EFCAB6: variants seen among roughly 807,000 people sequenced by gnomAD.
The protein encoded by EFCAB6 is EF-hand calcium-binding domain-containing protein 6.
In EFCAB6, 156 loss-of-function variants were observed where a neutral mutation model predicts 169.8. That is an observed-to-expected ratio of 0.92 (90% confidence interval 0.81 to 1.05). EFCAB6 has a LOEUF of 1.05. Ranked by LOEUF, EFCAB6 falls within the 50% of genes least tolerant of loss-of-function variation. The pLI is 0.00. For synonymous variants in EFCAB6, 698 were observed against 676.4 expected, an observed-to-expected ratio of 1.03 and a Z score of -0.50; for missense variants, 1,800 against 1,829.1, an observed-to-expected ratio of 0.98 and a Z score of 0.29.
At position 43,531,520 on chromosome 22, in the gene EFCAB6, G is replaced by C. The variant is rs145276529; in HGVS notation, c.4234-556C>G. On this transcript the variant is annotated intron_variant, in intron 30 of 31. Coordinates refer to ENST00000262726, the MANE Select transcript of EFCAB6 (RefSeq NM_022785.4). The stretch of plus-strand genomic sequence containing the variant: ...TGATTACTTCATTTAGGTGCTATTA[G>C]ATTGAAAACAAGACATTTGAACATG... Among the ~76,000 whole-genome samples the C allele has an allele frequency of 2.1e-3, 327 of 152,282 alleles. 2 individuals are homozygous for C. The highest frequency in any genetic ancestry group is 7.4e-3 in the African/African-American group (308 of 41,546).
Position 43,636,792 on chromosome 22 carries a change from A to C in EFCAB6, c.1984-1576T>G, listed in dbSNP as rs1465521979. 2.6e-5 allele frequency among the ~76,000 whole-genome samples: 4 copies of C among 151,264 alleles called. No individual in the cohort carries two copies. In the East Asian group the frequency reaches 7.8e-4, roughly 30 times the overall value. ...CGCCCAGCTAATTTTTTGTATTTTT[A>C]GTAGAGACGGGGTTTCACCATGTTA... is the stretch of plus-strand genomic sequence containing the variant. On this transcript the variant is annotated intron_variant, in intron 17 of 31. Transcript: ENST00000262726.
chr22:43,769,601 T>G (rs2061408664), intron 4 of EFCAB6, among the ~76,000 whole-genome samples: 1 of 151,882 alleles, frequency 6.6e-6, no homozygotes, highest in Non-Finnish European at 1.5e-5. Context: ...AAGGGGAAAT[T>G]TTTTTTTAAG....
At chr22:43,567,556 T>C (rs999926285) in intron 26 of EFCAB6, among the ~76,000 whole-genome samples, 2 of 152,290 alleles carry the variant, frequency 1.3e-5, no homozygotes, top group South Asian at 4.1e-4. Flanking sequence ...ATCCGAACAA[T>C]GAGCCTAGGA....
intron 10 of EFCAB6, among the ~76,000 whole-genome samples, chr22:43,708,197 A>C (rs1374517088): frequency 2.6e-5 from 4 of 152,030 alleles, no homozygotes; most frequent in Non-Finnish European, 1.5e-5. Context: ...ACCTGAGGTC[A>C]GGAGTTTGAG....
chr22:43,541,544 C>G (rs1323888536), intron 27 of EFCAB6, among the ~76,000 whole-genome samples: 2 of 152,174 alleles, frequency 1.3e-5, no homozygotes, highest in African/African-American at 4.8e-5. Flanking sequence ...GGTCTGATGT[C>G]ATTTTACTAC....
intron 22 of EFCAB6, among the ~76,000 whole-genome samples, chr22:43,601,018 T>TGG (rs2052480164): frequency 6.6e-6 from 1 of 152,202 alleles, no homozygotes; most frequent in East Asian, 1.9e-4. Flanking sequence ...TATGCTAAGG[T>TGG]TTAGAAAAAA....
Position 43,782,271 on chromosome 22 carries a change from G to T in EFCAB6, c.48C>A (p.His16Gln). Reference sequence around the variant, plus strand: ...GTCTTGAATGTGTAAATTTTCGTGTGTGAGGATGCGACCTAAGCCAGTCTG... The same window carrying T: ...GTCTTGAATGTGTAAATTTTCGTGTTTGAGGATGCGACCTAAGCCAGTCTG... ...IIPDWLRSHPHTRKFTHSRPH... is the reference protein window; with the variant it reads ...IIPDWLRSHPQTRKFTHSRPH... Residue 16 changes from histidine (H) to glutamine (Q), a missense_variant, in exon 3 of 32, where the codon CAC becomes CAA. Physicochemically the swap from His to Gln is conservative, Grantham distance 24. Coordinates refer to ENST00000262726, the MANE Select transcript of EFCAB6 (RefSeq NM_022785.4). The T allele has an allele frequency of 6.2e-7, 1 of 1,614,080 alleles. No individual in the cohort carries two copies. The highest frequency in any genetic ancestry group is 8.5e-7 in the Non-Finnish European group (1 of 1,179,950).
chr22:43,701,763 T>C (rs2058776329), intron 10 of EFCAB6, among the ~76,000 whole-genome samples: 1 of 150,254 alleles, frequency 6.7e-6, no homozygotes, highest in Non-Finnish European at 1.5e-5. Context: ...AGATTTCTTA[T>C]CAAGCCTGGG....
intron 12 of EFCAB6, among the ~76,000 whole-genome samples, chr22:43,682,529 G>T (rs192414308): frequency 6.6e-4 from 100 of 152,252 alleles, no homozygotes; most frequent in African/African-American, 2.4e-3. Context: ...ACACACAAAG[G>T]CCTCGTTTAT....
chr22:43,734,267 G>C lies in EFCAB6; in HGVS notation c.644+1590C>G, dbSNP rs1321882146. On this transcript the variant is annotated intron_variant, in intron 7 of 31. Coordinates refer to ENST00000262726, the MANE Select transcript of EFCAB6 (RefSeq NM_022785.4). ...ATACTGAAGCAGCTTCTCCAGGAAA[G>C]AGTATATTCTTGAGCTTCAATAAGA... Among the ~76,000 whole-genome samples, 3 of 152,334 alleles carry C rather than the reference G, an allele frequency of 2.0e-5. No individual in the cohort carries two copies. In the East Asian group the frequency reaches 5.8e-4, roughly 29 times the overall value.
At chr22:43,626,352 CT>C (rs1222302421) in intron 20 of EFCAB6, 94 bp downstream of exon 20, 23 of 1,204,062 alleles carry the variant, frequency 1.9e-5, no homozygotes. Flanking sequence ...TCACTCCATT[CT>C]TTGTATCCCT....
At chr22:43,786,055 T>C (rs1353184859) in intron 2 of EFCAB6, among the ~76,000 whole-genome samples, 1 of 152,182 alleles carries the variant, frequency 6.6e-6, no homozygotes, top group African/African-American at 2.4e-5. Flanking sequence ...TAGTAAATTC[T>C]ACCAAACATT....
chr22:43,803,617 A>T (rs2062811326), intron 2 of EFCAB6, among the ~76,000 whole-genome samples: 2 of 152,322 alleles, frequency 1.3e-5, no homozygotes, highest in South Asian at 4.1e-4. Flanking sequence ...CAGCAAGAGG[A>T]TATAACAATT....
chr22:43,557,842 A>G (rs2048797653), intron 26 of EFCAB6, among the ~76,000 whole-genome samples: 1 of 152,238 alleles, frequency 6.6e-6, no homozygotes, highest in South Asian at 2.1e-4. Flanking sequence ...TTCATGGATA[A>G]GAATGCAAGA....
chr22:43,748,885 C>CA (rs2060657866), intron 6 of EFCAB6, among the ~76,000 whole-genome samples: 1 of 152,180 alleles, frequency 6.6e-6, no homozygotes, highest in African/African-American at 2.4e-5. Context: ...AAGCAAAAGA[C>CA]ATGGGTATGT....
At chr22:43,678,446 C>G (rs1468313941) in intron 12 of EFCAB6, among the ~76,000 whole-genome samples, 2 of 151,406 alleles carry the variant, frequency 1.3e-5, no homozygotes, top group African/African-American at 2.4e-5. Flanking sequence ...GCAATGAGGC[C>G]CATTTCTCAA....
rs1569487726 is a variant in EFCAB6 at position 43,784,611 on chromosome 22, G to GTGTATATACACATATATA, written c.-7-2287_-7-2286insTATATATGTGTATATACA. 4.2e-3 allele frequency among the ~76,000 whole-genome samples: 228 copies of GTGTATATACACATATATA among 53,682 alleles called. 7 individuals carry two copies. The highest frequency in any genetic ancestry group is 0.021 in the African/African-American group (221 of 10,494). The allele number at this position is 53,682 out of a possible 152,430, so 35.2% of individuals were successfully genotyped here. A position where few individuals can be genotyped will look rare whatever the true frequency, so the allele number is the denominator to read the frequency against. On this transcript the variant is annotated intron_variant, in intron 2 of 31. Transcript: ENST00000262726. ...TATATGTATATATACACATATATAT[G>GTGTATATACACATATATA]TGTATATATACACATATATATGTAT...
At chr22:43,586,338 T>C (rs941227336) in intron 24 of EFCAB6, among the ~76,000 whole-genome samples, 1 of 131,990 alleles carries the variant, frequency 7.6e-6, no homozygotes, top group Non-Finnish European at 1.6e-5. Context: ...GAGCAACAAC[T>C]GATTTTTTTT....
At chr22:43,700,418 C>T (rs944389777) in intron 10 of EFCAB6, among the ~76,000 whole-genome samples, 1 of 152,068 alleles carries the variant, frequency 6.6e-6, no homozygotes, top group African/African-American at 2.4e-5. Context: ...TCCTTCTTTA[C>T]TCTTTCTTGC....
Sources: allele counts gnomAD v4.1 joint callset (sites outside exome capture counted in the v4.1 genomes callset), GRCh38; gene constraint gnomAD v4.1.1; transcripts MANE v1.5; gene names NCBI Gene and HGNC (gene_info 2026-07-23, HGNC 2026-07-21).